Variants in KCNQ3 observed in about 807,000 individuals in gnomAD.
The protein encoded by KCNQ3 is potassium voltage-gated channel subfamily KQT member 3.
Under a neutral mutation model 92.5 loss-of-function variants are expected in KCNQ3, and 30 were observed. The ratio of observed to expected loss-of-function variants is 0.32; its 90% CI spans 0.24 to 0.44. The LOEUF is 0.44. Among genes scored for constraint, KCNQ3 ranks in the 20% least tolerant of loss-of-function variants. KCNQ3 has a pLI of 1.00. For synonymous variants in KCNQ3, 450 were observed against 468.8 expected, an observed-to-expected ratio of 0.96 and a Z score of 0.52; for missense variants, 913 against 1,140.3, an observed-to-expected ratio of 0.80 and a Z score of 2.87.
intron 1 of KCNQ3, among the ~76,000 whole-genome samples, chr8:132,407,069 G>A (rs764695798): frequency 5.3e-5 from 8 of 152,282 alleles, no homozygotes; most frequent in East Asian, 3.9e-4. Flanking sequence ...ATGCCTCTGC[G>A]CCCATGCCTT....
At chr8:132,204,382 G>A (rs1813586715) in intron 1 of KCNQ3, among the ~76,000 whole-genome samples, 1 of 152,218 alleles carries the variant, frequency 6.6e-6, no homozygotes, top group Non-Finnish European at 1.5e-5. Flanking sequence ...TGGCACACCT[G>A]ATCCACTAGC....
chr8:132,403,721 C>A (rs955049762), intron 1 of KCNQ3, among the ~76,000 whole-genome samples: 1 of 152,224 alleles, frequency 6.6e-6, no homozygotes, highest in Non-Finnish European at 1.5e-5. Flanking sequence ...CTTCCTCTGG[C>A]ACACACAGCC....
intron 1 of KCNQ3, among the ~76,000 whole-genome samples, chr8:132,296,730 C>T (rs1161894064): frequency 6.6e-6 from 1 of 152,110 alleles, no homozygotes; most frequent in African/African-American, 2.4e-5. Flanking sequence ...CTTCATTTTT[C>T]ATGGCTGCAT....
At chr8:132,262,661 A>G (rs1344129120) in intron 1 of KCNQ3, among the ~76,000 whole-genome samples, 2 of 148,108 alleles carry the variant, frequency 1.4e-5, no homozygotes, top group East Asian at 2.0e-4. Context: ...ACCATGATAT[A>G]CTCTTGAGGA....
At chr8:132,463,401 C>A (rs1307697577) in intron 1 of KCNQ3, among the ~76,000 whole-genome samples, 1 of 152,194 alleles carries the variant, frequency 6.6e-6, no homozygotes, top group Non-Finnish European at 1.5e-5. Flanking sequence ...ACAGAAGCAT[C>A]CTGCAGAATT....
At chr8:132,392,915 C>T (rs992087215) in intron 1 of KCNQ3, among the ~76,000 whole-genome samples, 3 of 149,916 alleles carry the variant, frequency 2.0e-5, no homozygotes, top group Non-Finnish European at 2.9e-5. Flanking sequence ...AAAGTTTAAA[C>T]CTTTTTCTTT....
At position 132,450,706 on chromosome 8, in the gene KCNQ3, C is replaced by T. The variant is rs186841658; in HGVS notation, c.386+29441G>A. On this transcript the variant is annotated intron_variant, in intron 1 of 14. Transcript: ENST00000388996. ...AGGCCCACCAGAGTCAGGCCCAATGCAGGTGAATGCCCTTTGAGCCGAAGA... is the reference window on the plus strand; with the variant it reads ...AGGCCCACCAGAGTCAGGCCCAATGTAGGTGAATGCCCTTTGAGCCGAAGA... Among the ~76,000 whole-genome samples the T allele has an allele frequency of 7.4e-3, 1,123 of 152,306 alleles. 7 individuals carry two copies. The highest frequency in any genetic ancestry group is 0.011 in the Non-Finnish European group (770 of 68,024).
intron 1 of KCNQ3, among the ~76,000 whole-genome samples, chr8:132,247,863 T>C (rs970377204): frequency 6.6e-6 from 1 of 151,880 alleles, no homozygotes; most frequent in Non-Finnish European, 1.5e-5. Context: ...GAAATGAAGT[T>C]AGCAGTAACA....
In KCNQ3 at chr8:132,385,232, C is replaced by A. The variant is rs571058202; in HGVS notation, c.386+94915G>T. ...AAGTCAGTTGAGGCCTTTGCAGGGA[C>A]TGCAACGCAGCTCAACTCTTCCCTC... On this transcript the variant is annotated intron_variant, in intron 1 of 14. Transcript: ENST00000388996. Among the ~76,000 whole-genome samples the A allele has an allele frequency of 5.4e-4, 83 of 152,376 alleles. 1 individual carries two copies. The highest frequency in any genetic ancestry group is 2.0e-3 in the African/African-American group (83 of 41,602).
intron 1 of KCNQ3, among the ~76,000 whole-genome samples, chr8:132,310,358 T>G (rs936155610): frequency 2.6e-5 from 4 of 152,212 alleles, no homozygotes; most frequent in African/African-American, 9.6e-5. Flanking sequence ...CAGGTTTCTC[T>G]CTCTCTCTGA....
At chr8:132,165,513 C>G (rs1209673330) in intron 8 of KCNQ3, among the ~76,000 whole-genome samples, 2 of 152,220 alleles carry the variant, frequency 1.3e-5, no homozygotes, top group Non-Finnish European at 2.9e-5. Context: ...CATCAATACT[C>G]CCTTGCAGCC....
intron 1 of KCNQ3, among the ~76,000 whole-genome samples, chr8:132,358,714 G>A (rs1200344071): frequency 6.6e-6 from 1 of 152,054 alleles, no homozygotes; most frequent in Non-Finnish European, 1.5e-5. Context: ...ATATCAGGGG[G>A]TCTTCATTTG....
At chr8:132,214,128 C>T (rs150076743) in intron 1 of KCNQ3, among the ~76,000 whole-genome samples, 85 of 152,288 alleles carry the variant, frequency 5.6e-4, no homozygotes, top group African/African-American at 2.0e-3. Flanking sequence ...CCTGGCTGTG[C>T]CCCCAAATCA....
At chr8:132,367,991 C>T (rs772784195) in intron 1 of KCNQ3, among the ~76,000 whole-genome samples, 1 of 152,146 alleles carries the variant, frequency 6.6e-6, no homozygotes, top group Non-Finnish European at 1.5e-5. Context: ...CAGGAATATA[C>T]TGCACCATCT....
chr8:132,467,061 T>C (rs1002927424), intron 1 of KCNQ3, among the ~76,000 whole-genome samples: 1 of 152,208 alleles, frequency 6.6e-6, no homozygotes, highest in Non-Finnish European at 1.5e-5. Context: ...TTGCTTCACT[T>C]AACCCTTTAA....
intron 1 of KCNQ3, among the ~76,000 whole-genome samples, chr8:132,355,671 C>T (rs1336972929): frequency 6.6e-6 from 1 of 152,154 alleles, no homozygotes; most frequent in East Asian, 1.9e-4. Flanking sequence ...AAGGGGAATG[C>T]TGGTGGGATC....
At chr8:132,306,064 A>G (rs181640597) in intron 1 of KCNQ3, among the ~76,000 whole-genome samples, 99 of 152,258 alleles carry the variant, frequency 6.5e-4, no homozygotes, top group African/African-American at 2.4e-3. Context: ...AACCTAATTC[A>G]TCAGGTTAGG....
In KCNQ3 at chr8:132,220,171, C is replaced by T. The variant is rs117388225; in HGVS notation, c.387-33990G>A. 3.8e-3 allele frequency among the ~76,000 whole-genome samples: 575 copies of T among 152,158 alleles called. 3 individuals are homozygous for T. Among genetic ancestry groups the T allele is most frequent in the Non-Finnish European group, 6.4e-3 (432 of 68,014 alleles). On this transcript the variant is annotated intron_variant, in intron 1 of 14. Coordinates refer to ENST00000388996, the MANE Select transcript of KCNQ3 (RefSeq NM_004519.4). ...CCCTCCAAACCTACCCCCTGCAATT[C>T]CAAGAATAAAGAAAGGCATGCAGAC...
At chr8:132,175,431 G>T (rs1826515883) in intron 5 of KCNQ3, 22 bp downstream of exon 5, 1 of 1,613,468 alleles carries the variant, frequency 6.2e-7, no homozygotes, top group Non-Finnish European at 8.5e-7. Flanking sequence ...TCACAGAATT[G>T]GCCTCCAAGG....
Sources: allele counts gnomAD v4.1 joint callset (sites outside exome capture counted in the v4.1 genomes callset), GRCh38; gene constraint gnomAD v4.1.1; transcripts MANE v1.5; gene names NCBI Gene and HGNC (gene_info 2026-07-23, HGNC 2026-07-21).